LARP1B: variants seen among roughly 807,000 people sequenced by gnomAD.
LARP1B encodes la-related protein 1B.
Under a neutral mutation model 114.2 loss-of-function variants are expected in LARP1B, and 76 were observed. The observed-to-expected ratio is 0.67, with a 90% CI of 0.55 to 0.81. LARP1B has a LOEUF of 0.81. Among genes scored for constraint, LARP1B ranks in the 30% least tolerant of loss-of-function variants. The pLI is 0.00. For missense variants in LARP1B, 1,014 were observed against 1,075.8 expected (o/e 0.94, Z 0.80); for synonymous variants, 345 against 348.0 (o/e 0.99, Z 0.10).
chr4:128,189,324 CTTTTTTTTTTT>C (rs70966089), intron 15 of LARP1B, among the ~76,000 whole-genome samples: 4 of 6,824 alleles, frequency 5.9e-4, no homozygotes, highest in African/African-American at 1.3e-3. Flanking sequence ...AGTATGGCTA[CTTTTTTTTTTT>C]TTTTTTTTTT....
rs532890223 is a variant in LARP1B, at chr4:128,143,226, A to G, written c.1525-18968A>G. ...CTTGAACCCGGGAGGTGGAGGTTGC[A>G]GTGAGCCAAGATCATGCCACTGCAC... On this transcript the variant is annotated intron_variant, in intron 11 of 19. Transcript: ENST00000326639. Among the ~76,000 whole-genome samples, 140 of 152,262 alleles carry G rather than the reference A, an allele frequency of 9.2e-4. 1 individual carries two copies. Among genetic ancestry groups the G allele is most frequent in the African/African-American group, 3.3e-3 (136 of 41,554 alleles).
intron 4 of LARP1B, among the ~76,000 whole-genome samples, chr4:128,078,331 A>G (rs1461789077): frequency 6.6e-6 from 1 of 152,122 alleles, no homozygotes; most frequent in Non-Finnish European, 1.5e-5. Flanking sequence ...AAAAGTGAGA[A>G]TAGGCTGGGC....
chr4:128,077,344 A>G (rs867790337), intron 3 of LARP1B, among the ~76,000 whole-genome samples: 1 of 152,028 alleles, frequency 6.6e-6, no homozygotes, highest in African/African-American at 2.4e-5. Context: ...CTTAAAAAAA[A>G]AAAAGAGTTA....
Position 128,125,367 on chromosome 4 carries a change from A to G in LARP1B, c.1524+3179A>G, listed in dbSNP as rs148267085. 3.1e-3 allele frequency among the ~76,000 whole-genome samples: 466 copies of G among 152,316 alleles called. 3 individuals are homozygous for G. The highest frequency in any genetic ancestry group is 0.01 in the African/African-American group (423 of 41,574). On this transcript the variant is annotated intron_variant, in intron 11 of 19. Coordinates refer to ENST00000326639, the MANE Select transcript of LARP1B (RefSeq NM_018078.4). ...AATACCACCTGTTCCCCAAAAATCTATGGGAGAAAAAAGATACCCCAAAAG... is the reference window on the plus strand; with the variant it reads ...AATACCACCTGTTCCCCAAAAATCTGTGGGAGAAAAAAGATACCCCAAAAG...
chr4:128,209,777 GGGGAAAAGTCTAGCCTTA>G (rs1344648452), intron 19 of LARP1B, 61 bp from the exon 20 acceptor site: 12 of 1,148,066 alleles, frequency 1.0e-5, no homozygotes, highest in Non-Finnish European at 1.4e-5. Context: ...TTACTTTTTT[GGGGAAAAGTCTAGCCTTA>G]GATTCTGAAG....
At chr4:128,067,434 T>C (rs1351990214) in intron 1 of LARP1B, among the ~76,000 whole-genome samples, 1 of 152,186 alleles carries the variant, frequency 6.6e-6, no homozygotes. Context: ...CAGGGGAGAA[T>C]ATTTCAGGAC....
Position 128,093,656 on chromosome 4 carries a change from C to T in LARP1B, c.668+2144C>T, listed in dbSNP as rs546562746. On this transcript the variant is annotated intron_variant, in intron 7 of 19. Coordinates refer to ENST00000326639, the MANE Select transcript of LARP1B (RefSeq NM_018078.4). ...TGTGGAAAAATGATGCAAAATGTATCGTACAGTATGAGGCCTAAACGTATT... is the reference window on the plus strand; with the variant it reads ...TGTGGAAAAATGATGCAAAATGTATTGTACAGTATGAGGCCTAAACGTATT... Among the ~76,000 whole-genome samples, 18 of 150,738 alleles carry T rather than the reference C, an allele frequency of 1.2e-4. No individual in the cohort carries two copies. The East Asian group carries it at 1.4e-3, about 11-fold the overall frequency.
intron 19 of LARP1B, among the ~76,000 whole-genome samples, chr4:128,209,411 ACT>A (rs1253755119): frequency 3.9e-5 from 6 of 152,098 alleles, no homozygotes; most frequent in South Asian, 2.1e-4. Context: ...ACAGAGTGAG[ACT>A]CTGTCTCAAA....
chr4:128,178,409 T>C (rs1364936780), intron 13 of LARP1B, 22 bp from the exon 14 acceptor site: 2 of 1,533,890 alleles, frequency 1.3e-6, no homozygotes, highest in Non-Finnish European at 1.8e-6. Context: ...CTAAATAATT[T>C]TAAGAGTTTT....
rs1779099697 is a variant in LARP1B, at chr4:128,098,763, ATATATTTTTTTTTTT to A, written c.813+435_813+449del. Among the ~76,000 whole-genome samples the A allele has an allele frequency of 1.1e-4, 4 of 35,506 alleles. 1 individual carries two copies. The highest frequency in any genetic ancestry group is 2.1e-3 in the South Asian group (2 of 960). 23.3% of individuals were successfully genotyped at this position (35,506 alleles called of 152,430 possible). ...TATGTATGTGTATATATATATATAT[ATATATTTTTTTTTTT>A]TTTTTTTTTTTTTTTTTAAGACAGT... On this transcript the variant is annotated intron_variant, in intron 8 of 19. Coordinates refer to ENST00000326639, the MANE Select transcript of LARP1B (RefSeq NM_018078.4).
chr4:128,140,836 G>GTTTTT (rs1727724200), intron 11 of LARP1B, among the ~76,000 whole-genome samples: 1 of 42,052 alleles, frequency 2.4e-5, no homozygotes, highest in African/African-American at 6.0e-5. Flanking sequence ...TTTTTTTTTT[G>GTTTTT]GCAGAGTCTT....
intron 11 of LARP1B, among the ~76,000 whole-genome samples, chr4:128,144,770 A>G (rs1156300294): frequency 6.6e-6 from 1 of 151,964 alleles, no homozygotes; most frequent in African/African-American, 2.4e-5. Flanking sequence ...CAGTTCTGGA[A>G]TTTCCATTTT....
intron 8 of LARP1B, among the ~76,000 whole-genome samples, chr4:128,101,596 C>T (rs1384895130): frequency 6.8e-6 from 1 of 147,474 alleles, no homozygotes; most frequent in Non-Finnish European, 1.5e-5. Flanking sequence ...GCTCTTAGAG[C>T]AAATATTATG....
intron 4 of LARP1B, among the ~76,000 whole-genome samples, chr4:128,080,735 GTCA>G (rs1396986084): frequency 1.3e-5 from 2 of 152,210 alleles, no homozygotes; most frequent in East Asian, 3.9e-4. Flanking sequence ...TTGTCATTTA[GTCA>G]TCAAGAAAAG....
chr4:128,122,005 G>C lies in LARP1B; in HGVS notation c.1341G>C (p.Lys447Asn). The change falls in exon 11 of 20, where the codon AAG becomes AAC. Residue 447 changes from lysine (K) to asparagine (N), a missense_variant. Physicochemically the swap from Lys to Asn is moderately conservative, Grantham distance 94 (BLOSUM62 0). Coordinates refer to ENST00000326639, the MANE Select transcript of LARP1B (RefSeq NM_018078.4). ...AAATTGATGACCAAGACTTAAACAA[G>C]ATTTTGATTGTAACTCAGACACCAC... ...DYEIDDQDLN[K>N]ILIVTQTPPY... is the part of the protein sequence containing the mutation. 1 of 1,613,508 alleles carries C rather than the reference G, an allele frequency of 6.2e-7. No homozygotes were observed. The highest frequency in any genetic ancestry group is 8.5e-7 in the Non-Finnish European group (1 of 1,179,958).
At chr4:128,188,112 T>C (rs1750957534) in intron 15 of LARP1B, among the ~76,000 whole-genome samples, 1 of 151,782 alleles carries the variant, frequency 6.6e-6, no homozygotes, top group South Asian at 2.1e-4. Context: ...TTTGCTCTTG[T>C]TGCCCAGGCT....
chr4:128,144,551 T>G (rs755644487), intron 11 of LARP1B, among the ~76,000 whole-genome samples: 3 of 152,088 alleles, frequency 2.0e-5, no homozygotes, highest in Admixed American at 6.6e-5. Context: ...CCCAGACTTT[T>G]TGTGAAATCC....
intron 4 of LARP1B, among the ~76,000 whole-genome samples, chr4:128,078,854 G>T (rs1769039381): frequency 6.6e-6 from 1 of 152,130 alleles, no homozygotes; most frequent in Non-Finnish European, 1.5e-5. Context: ...AGTGACTGAA[G>T]CAAGGTGATT....
At chr4:128,090,897 T>G in intron 5 of LARP1B, 104 bp from the exon 6 acceptor site, 1 of 799,960 alleles carries the variant, frequency 1.3e-6, no homozygotes, top group Non-Finnish European at 1.9e-6. Context: ...CTACTGTTCA[T>G]TAGTTACAAA....
Sources: allele counts gnomAD v4.1 joint callset (sites outside exome capture counted in the v4.1 genomes callset), GRCh38; gene constraint gnomAD v4.1.1; transcripts MANE v1.5; gene names NCBI Gene and HGNC (gene_info 2026-07-23, HGNC 2026-07-21).